ARHGAP10: variants seen among roughly 807,000 people sequenced by gnomAD.
ARHGAP10 encodes rho GTPase-activating protein 10.
ARHGAP10 carries 87 observed loss-of-function variants against 108.6 expected under a neutral mutation model. The ratio of observed to expected loss-of-function variants is 0.80; its 90% CI spans 0.67 to 0.96. The LOEUF is 0.96. Among genes scored for constraint, ARHGAP10 ranks in the 40% least tolerant of loss-of-function variants. The pLI, the probability that ARHGAP10 is intolerant of heterozygous loss-of-function variation, is 0.00. For synonymous variants in ARHGAP10, 347 were observed against 341.1 expected, an observed-to-expected ratio of 1.02 and a Z score of -0.19; for missense variants, 939 against 954.5, an observed-to-expected ratio of 0.98 and a Z score of 0.21.
chr4:148,009,858 T>C (rs1741102467), intron 18 of ARHGAP10, among the ~76,000 whole-genome samples: 1 of 152,186 alleles, frequency 6.6e-6, no homozygotes. Flanking sequence ...TTTTGGGACC[T>C]CAAGTGTTGG....
intron 14 of ARHGAP10, among the ~76,000 whole-genome samples, chr4:147,945,225 C>T (rs1340940054): frequency 7.2e-5 from 11 of 152,102 alleles, no homozygotes; most frequent in Admixed American, 3.9e-4. Flanking sequence ...TTCCTGCCAT[C>T]CTTTCATTTT....
intron 7 of ARHGAP10, among the ~76,000 whole-genome samples, chr4:147,871,840 C>CCT (rs1221378257): frequency 6.6e-6 from 1 of 152,058 alleles, no homozygotes; most frequent in Non-Finnish European, 1.5e-5. Flanking sequence ...GTGGCTCACG[C>CCT]CTATAATCCC....
chr4:148,012,378 A>G (rs1741201938), intron 18 of ARHGAP10, among the ~76,000 whole-genome samples: 1 of 152,216 alleles, frequency 6.6e-6, no homozygotes, highest in African/African-American at 2.4e-5. Flanking sequence ...GGAGCGAGGT[A>G]AAGATTATGC....
chr4:147,932,652 G>A (rs1415653061), intron 13 of ARHGAP10, among the ~76,000 whole-genome samples: 1 of 151,546 alleles, frequency 6.6e-6, no homozygotes, highest in African/African-American at 2.4e-5. Flanking sequence ...CCTGTCAGAA[G>A]GCGGGGGTGG....
chr4:147,988,020 G>A (rs1560860929), intron 18 of ARHGAP10, among the ~76,000 whole-genome samples: 2 of 152,334 alleles, frequency 1.3e-5, no homozygotes, highest in East Asian at 3.9e-4. Context: ...TGAGGCACTT[G>A]CAGTTCAATA....
chr4:148,006,080 T>C (rs1430047956), intron 18 of ARHGAP10, among the ~76,000 whole-genome samples: 1 of 152,190 alleles, frequency 6.6e-6, no homozygotes, highest in Non-Finnish European at 1.5e-5. Context: ...CAGGAGTGAC[T>C]CTTAATTAAG....
chr4:148,002,873 T>C (rs1247109786), intron 18 of ARHGAP10, among the ~76,000 whole-genome samples: 2 of 152,188 alleles, frequency 1.3e-5, no homozygotes, highest in Admixed American at 6.5e-5. Flanking sequence ...AGCTCCTGGA[T>C]TCATTGATTT....
At position 148,072,232 on chromosome 4, in the gene ARHGAP10, G is replaced by A; in HGVS notation, c.*151G>A. On this transcript the variant is annotated 3_prime_UTR_variant, in exon 23 of 23. Coordinates refer to ENST00000336498, the MANE Select transcript of ARHGAP10 (RefSeq NM_024605.4). Reference sequence around the variant, plus strand: ...ATCACAGTCAGCCCTGGGGGTGGGGGGTGGTGGGCAGGGATGGGACGCACC... The same window carrying A: ...ATCACAGTCAGCCCTGGGGGTGGGGAGTGGTGGGCAGGGATGGGACGCACC... 1 of 535,090 alleles carries A rather than the reference G, an allele frequency of 1.9e-6. No homozygotes were observed. The highest frequency in any genetic ancestry group is 3.2e-6 in the Non-Finnish European group (1 of 310,930). 33.1% of individuals were successfully genotyped at this position (535,090 alleles called of 1,614,324 possible). A position where few individuals can be genotyped will look rare whatever the true frequency, so the allele number is the denominator to read the frequency against.
intron 5 of ARHGAP10, chr4:147,858,387 ATGTACTAC>A (rs1720912392): frequency 6.6e-6 from 1 of 152,090 alleles, no homozygotes; most frequent in South Asian, 2.1e-4. Flanking sequence ...TCTGGACATT[ATGTACTAC>A]TGTCATAAAC....
intron 10 of ARHGAP10, among the ~76,000 whole-genome samples, chr4:147,891,703 A>C (rs1351880582): frequency 6.6e-6 from 1 of 152,178 alleles, no homozygotes; most frequent in African/African-American, 2.4e-5. Context: ...AAATCACTAT[A>C]AACTATCACT....
intron 1 of ARHGAP10, among the ~76,000 whole-genome samples, chr4:147,816,085 A>T (rs774425653): frequency 2.6e-5 from 4 of 152,148 alleles, no homozygotes; most frequent in Non-Finnish European, 5.9e-5. Flanking sequence ...CTGTGGCCAA[A>T]GACAGTTGGA....
chr4:147,954,676 A>G (rs1181529714), intron 15 of ARHGAP10, among the ~76,000 whole-genome samples: 2 of 152,004 alleles, frequency 1.3e-5, no homozygotes, highest in African/African-American at 2.4e-5. Context: ...CTGATCTTTT[A>G]TAATTTTAAG....
chr4:147,754,056 A>G (rs571276381), intron 1 of ARHGAP10, among the ~76,000 whole-genome samples: 1 of 152,314 alleles, frequency 6.6e-6, no homozygotes, highest in Admixed American at 6.5e-5. Context: ...CTCCTGGCTT[A>G]CTGAGGGCAG....
intron 14 of ARHGAP10, among the ~76,000 whole-genome samples, chr4:147,944,997 G>A (rs1738315707): frequency 6.6e-6 from 1 of 152,174 alleles, no homozygotes; most frequent in African/African-American, 2.4e-5. Context: ...TTCTGTGAGA[G>A]CATTTACATT....
intron 16 of ARHGAP10, among the ~76,000 whole-genome samples, chr4:147,964,758 T>G (rs1424022007): frequency 6.6e-6 from 1 of 152,198 alleles, no homozygotes; most frequent in East Asian, 1.9e-4. Flanking sequence ...CTGTCCGTTC[T>G]GTAATATAAA....
At chr4:147,832,666 G>C (rs200903781) in intron 3 of ARHGAP10, among the ~76,000 whole-genome samples, 1 of 45,756 alleles carries the variant, frequency 2.2e-5, no homozygotes, top group Non-Finnish European at 6.4e-5. Flanking sequence ...AAAAAAAAAG[G>C]AAATTGGAGC....
At chr4:147,993,448 A>G (rs1740355893) in intron 18 of ARHGAP10, among the ~76,000 whole-genome samples, 1 of 152,230 alleles carries the variant, frequency 6.6e-6, no homozygotes, top group Non-Finnish European at 1.5e-5. Context: ...ACTTGTTGCT[A>G]GCATCCTTGT....
intron 18 of ARHGAP10, among the ~76,000 whole-genome samples, chr4:147,979,397 C>T (rs555192596): frequency 6.6e-6 from 1 of 152,136 alleles, no homozygotes; most frequent in Non-Finnish European, 1.5e-5. Context: ...GTGTTCTGTT[C>T]CATTGGTCTA....
At chr4:148,002,423 C>T (rs1415765731) in intron 18 of ARHGAP10, among the ~76,000 whole-genome samples, 1 of 152,130 alleles carries the variant, frequency 6.6e-6, no homozygotes, top group East Asian at 1.9e-4. Context: ...TGATGCTGGC[C>T]TCATCAAATG....
Sources: gnomAD v4.1 joint callset for allele counts (sites outside exome capture counted in the v4.1 genomes callset) on GRCh38, gnomAD v4.1.1 for gene constraint, MANE v1.5 for transcripts, NCBI Gene and HGNC (gene_info 2026-07-23, HGNC 2026-07-21) for gene names.